The following HECW1 variants were observed in gnomAD, a reference collection of about 807,000 sequenced individuals.
HECW1 encodes the protein HECT, C2 and WW domain containing E3 ubiquitin protein ligase 1.
HECW1 carries 61 observed loss-of-function variants against 182.3 expected under a neutral mutation model. That is an observed-to-expected ratio of 0.33 (90% CI 0.27 to 0.41). HECW1 has a LOEUF of 0.41. Among genes scored for constraint, HECW1 ranks in the 10% least tolerant of loss-of-function variants. The pLI, the probability that HECW1 is intolerant of heterozygous loss-of-function variation, is 1.00. For missense variants in HECW1, 1,739 were observed against 2,108.9 expected (o/e 0.82, Z 3.44); for synonymous variants, 859 against 832.6 (o/e 1.03, Z -0.55).
chr7:43,216,843 C>G (rs904518379), intron 2 of HECW1, among the ~76,000 whole-genome samples: 1 of 152,056 alleles, frequency 6.6e-6, no homozygotes, highest in Admixed American at 6.6e-5. Flanking sequence ...TTAGTAAAGA[C>G]GGGGTTTCAC....
intron 6 of HECW1, among the ~76,000 whole-genome samples, chr7:43,388,194 C>T (rs1374735815): frequency 2.6e-5 from 4 of 152,128 alleles, no homozygotes; most frequent in Admixed American, 2.6e-4. Flanking sequence ...GTAAATGCTC[C>T]CAACCATCCA....
intron 2 of HECW1, among the ~76,000 whole-genome samples, chr7:43,149,138 A>G (rs1054872248): frequency 6.6e-6 from 1 of 152,216 alleles, no homozygotes; most frequent in African/African-American, 2.4e-5. Context: ...GCATAGTATC[A>G]ATGTATCTCC....
At position 43,294,122 on chromosome 7, in the gene HECW1, CAA is replaced by C. The variant is rs138805175; in HGVS notation, c.28-17639_28-17638del. On this transcript the variant is annotated intron_variant, in intron 3 of 29. Coordinates refer to ENST00000395891, the MANE Select transcript of HECW1 (RefSeq NM_015052.5). ...AGTTTGGGGACCGCTGCTGCAGGGG[CAA>C]ACTCTCATGTGCATTGCAGTGGAAA... Among the ~76,000 whole-genome samples the C allele has an allele frequency of 7.6e-3, 1,151 of 152,324 alleles. 4 individuals are homozygous for C. The highest frequency in any genetic ancestry group is 0.034 in the Middle Eastern group (10 of 294).
At chr7:43,318,600 T>C (rs1809641215) in intron 4 of HECW1, among the ~76,000 whole-genome samples, 1 of 152,242 alleles carries the variant, frequency 6.6e-6, no homozygotes, top group Non-Finnish European at 1.5e-5. Flanking sequence ...ACTCCCCACT[T>C]TGCAGATGAA....
chr7:43,338,689 A>G (rs903812586), intron 5 of HECW1, among the ~76,000 whole-genome samples: 1 of 152,148 alleles, frequency 6.6e-6, no homozygotes, highest in African/African-American at 2.4e-5. Context: ...GAGCTTATGA[A>G]TTTTTCAGAA....
intron 2 of HECW1, among the ~76,000 whole-genome samples, chr7:43,186,595 GA>G (rs1793427945): frequency 6.6e-6 from 1 of 150,776 alleles, no homozygotes; most frequent in Admixed American, 6.6e-5. Flanking sequence ...CATGAACCTG[GA>G]AGGCAGAGCT....
chr7:43,312,093 T>C lies in HECW1; in HGVS notation c.352+6T>C, dbSNP rs769479653. 1 of 1,607,040 alleles carries C rather than the reference T, an allele frequency of 6.2e-7. No individual in the cohort carries two copies. Among genetic ancestry groups the C allele is most frequent in the Admixed American group, 1.7e-5 (1 of 59,914 alleles). ...GATTGGCATGTACCTCATTGGTGAG[T>C]AGAATGTGCCAAGTGTATTATTCAT... On this transcript the variant is annotated splice_donor_region_variant and intron_variant, in intron 4 of 29. Coordinates refer to ENST00000395891, the MANE Select transcript of HECW1 (RefSeq NM_015052.5).
At chr7:43,145,490 T>G (rs1170957773) in intron 2 of HECW1, among the ~76,000 whole-genome samples, 1 of 152,148 alleles carries the variant, frequency 6.6e-6, no homozygotes, top group Non-Finnish European at 1.5e-5. Context: ...AGAGACAGGG[T>G]TTTGCTATGT....
intron 29 of HECW1, among the ~76,000 whole-genome samples, chr7:43,555,045 T>C (rs1464442649): frequency 6.6e-6 from 1 of 152,184 alleles, no homozygotes; most frequent in African/African-American, 2.4e-5. Flanking sequence ...AGTTGTGGGA[T>C]GCTGTCATAG....
chr7:43,244,539 A>T (rs1263709445), intron 3 of HECW1, among the ~76,000 whole-genome samples: 4 of 152,190 alleles, frequency 2.6e-5, no homozygotes, highest in Non-Finnish European at 4.4e-5. Flanking sequence ...GGGCACCATG[A>T]ATCATGGTTT....
At chr7:43,329,488 A>C (rs1262944445) in intron 5 of HECW1, among the ~76,000 whole-genome samples, 1 of 152,060 alleles carries the variant, frequency 6.6e-6, no homozygotes, top group South Asian at 2.1e-4. Context: ...GAAAAATGGA[A>C]GGGGCTGATT....
At chr7:43,458,957 G>A (rs2077489144) in intron 13 of HECW1, among the ~76,000 whole-genome samples, 2 of 152,232 alleles carry the variant, frequency 1.3e-5, no homozygotes, top group East Asian at 3.8e-4. Context: ...GTACACAATA[G>A]CAATCAATGT....
intron 5 of HECW1, among the ~76,000 whole-genome samples, chr7:43,334,368 A>G (rs556929283): frequency 2.0e-5 from 3 of 152,344 alleles, no homozygotes; most frequent in Non-Finnish European, 2.9e-5. Context: ...ATACAAAAAT[A>G]TACAAAACCT....
intron 5 of HECW1, among the ~76,000 whole-genome samples, chr7:43,353,555 C>A (rs1814719559): frequency 6.6e-6 from 1 of 152,192 alleles, no homozygotes; most frequent in East Asian, 1.9e-4. Flanking sequence ...GGTAAGACAG[C>A]TCTCAGGGCC....
chr7:43,333,189 G>A (rs1276519828), intron 5 of HECW1, among the ~76,000 whole-genome samples: 1 of 152,188 alleles, frequency 6.6e-6, no homozygotes, highest in Non-Finnish European at 1.5e-5. Flanking sequence ...AATGTGGGGG[G>A]CATCAGAGAA....
At chr7:43,184,008 A>G (rs9770992) in intron 2 of HECW1, among the ~76,000 whole-genome samples, 6 of 150,490 alleles carry the variant, frequency 4.0e-5, no homozygotes, top group African/African-American at 1.5e-4. Flanking sequence ...CAATTCTTTT[A>G]TTATTATTAT....
intron 3 of HECW1, among the ~76,000 whole-genome samples, chr7:43,294,239 G>A (rs1236634701): frequency 3.9e-5 from 6 of 152,210 alleles, no homozygotes; most frequent in African/African-American, 1.4e-4. Flanking sequence ...GACCACAGAG[G>A]CTCTGGTGCC....
At chr7:43,424,981 T>A (rs2076310148) in intron 8 of HECW1, among the ~76,000 whole-genome samples, 1 of 152,130 alleles carries the variant, frequency 6.6e-6, no homozygotes, top group South Asian at 2.1e-4. Context: ...GAGGGAATAA[T>A]GGGTATGGGT....
intron 8 of HECW1, among the ~76,000 whole-genome samples, chr7:43,416,527 C>T (rs2076004286): frequency 6.6e-6 from 1 of 152,078 alleles, no homozygotes; most frequent in Non-Finnish European, 1.5e-5. Context: ...CAGTGGCAGG[C>T]AGGCCTCCTT....
Sources: gnomAD v4.1 joint callset for allele counts (sites outside exome capture counted in the v4.1 genomes callset) on GRCh38, gnomAD v4.1.1 for gene constraint, MANE v1.5 for transcripts, NCBI Gene and HGNC (gene_info 2026-07-23, HGNC 2026-07-21) for gene names.